Variants in MRPS5 observed in about 807,000 individuals in gnomAD.
MRPS5 encodes small ribosomal subunit protein uS5m.
In MRPS5, 27 loss-of-function variants were observed where a neutral mutation model predicts 51.9. The observed-to-expected ratio is 0.52, with a 90% CI of 0.38 to 0.72. MRPS5 has a LOEUF of 0.72. Among genes scored for constraint, MRPS5 ranks in the 30% least tolerant of loss-of-function variants. The pLI is 0.00. For synonymous variants in MRPS5, 196 were observed against 193.2 expected, an observed-to-expected ratio of 1.01 and a Z score of -0.12; for missense variants, 570 against 545.7, an observed-to-expected ratio of 1.04 and a Z score of -0.44.
At chr2:95,121,499 C>T (rs1676447476) in intron 1 of MRPS5, among the ~76,000 whole-genome samples, 1 of 152,206 alleles carries the variant, frequency 6.6e-6, no homozygotes, top group African/African-American at 2.4e-5. Flanking sequence ...CTGGGAAGAA[C>T]CCTGAAGAAC....
chr2:95,089,598 T>A (rs1034883895), intron 11 of MRPS5, among the ~76,000 whole-genome samples: 1 of 152,098 alleles, frequency 6.6e-6, no homozygotes, highest in African/African-American at 2.4e-5. Flanking sequence ...AGTAACCTGA[T>A]ATGTTAATGT....
chr2:95,100,789 C>T, intron 9 of MRPS5, 48 bp downstream of exon 9: 1 of 1,390,480 alleles, frequency 7.2e-7, no homozygotes, highest in Non-Finnish European at 9.9e-7. Flanking sequence ...CAGACTTTAA[C>T]AAATGTAATC....
In MRPS5 at chr2:95,108,253, C is replaced by A. The variant is rs1676008459; in HGVS notation, c.559G>T (p.Val187Phe). Residue 187 changes from valine to phenylalanine, a missense_variant, in exon 5 of 12, where the codon GTT (valine) becomes TTT (phenylalanine). By Grantham distance (50) the Val-to-Phe change is conservative. Transcript: ENST00000272418. ...CCACTCCATCCTCGCTCCCGTTTAA[C>A]CTTCATCTTCTTCTTTCGGTCCCAC... ...EEWDRKKKMK[V>F]KRERGWSGNS... 5 of 1,613,008 alleles carry A rather than the reference C, an allele frequency of 3.1e-6. No homozygotes were observed. The highest frequency in any genetic ancestry group is 3.3e-5 in the Admixed American group (2 of 59,992).
intron 1 of MRPS5, 34 bp from the exon 2 acceptor site, chr2:95,117,979 T>C (rs1184916434): frequency 2.7e-6 from 4 of 1,499,300 alleles, no homozygotes. Context: ...TTAAGATACA[T>C]TTCTACATTA....
intron 3 of MRPS5, among the ~76,000 whole-genome samples, chr2:95,113,384 G>A (rs1676184622): frequency 6.6e-6 from 1 of 152,080 alleles, no homozygotes; most frequent in African/African-American, 2.4e-5. Context: ...GCTGAGGCAG[G>A]AGAATCGCTT....
At chr2:95,098,197 C>T (rs1280914087) in intron 10 of MRPS5, among the ~76,000 whole-genome samples, 3 of 152,150 alleles carry the variant, frequency 2.0e-5, no homozygotes, top group Non-Finnish European at 4.4e-5. Flanking sequence ...ACAACAGGTG[C>T]TGGAGAGGAT....
At chr2:95,103,181 A>G (rs1675852481) in intron 7 of MRPS5, among the ~76,000 whole-genome samples, 1 of 152,232 alleles carries the variant, frequency 6.6e-6, no homozygotes, top group Non-Finnish European at 1.5e-5. Context: ...TCTGTGTGGA[A>G]AAAAATTAAA....
rs1675282836 is a variant in MRPS5 at position 95,086,191 on chromosome 2, G to A, written c.*1166C>T. ...TGCCTCACCTTCACAAAGTGCTGGG[G>A]TTATAGGCGTGAGCCACCACACCTA... On this transcript the variant is annotated 3_prime_UTR_variant, in exon 12 of 12. Transcript: ENST00000272418. Among the ~76,000 whole-genome samples the A allele has an allele frequency of 6.6e-6, 1 of 152,018 alleles. No homozygotes were observed. Among genetic ancestry groups the A allele is most frequent in the Non-Finnish European group, 1.5e-5 (1 of 68,014 alleles).
intron 10 of MRPS5, among the ~76,000 whole-genome samples, chr2:95,098,578 A>G (rs1484950475): frequency 1.3e-5 from 2 of 152,158 alleles, no homozygotes; most frequent in Admixed American, 6.5e-5. Context: ...CGAGCAAACT[A>G]TCTCAAGGAC....
In MRPS5 at chr2:95,087,491, G is replaced by T; in HGVS notation, c.1159C>A (p.Pro387Thr). The T allele has an allele frequency of 6.2e-7, 1 of 1,614,114 alleles. No individual in the cohort carries two copies. The highest frequency in any genetic ancestry group is 1.3e-5 in the African/African-American group (1 of 75,010). Residue 387 changes from proline to threonine, a missense_variant, in exon 12 of 12, where the codon CCC (proline) becomes ACC (threonine). Pro to Thr is a conservative substitution (Grantham distance 38). Coordinates refer to ENST00000272418, the MANE Select transcript of MRPS5 (RefSeq NM_031902.5). ...GGATCCTTCCTCAAGGGCCCCCGGG[G>T]GGACGCAACCACAATGGGCAGAGGG... is the stretch of plus-strand genomic sequence containing the variant. The part of the protein sequence containing the change: ...CGPLPIVVAS[P>T]RGPLRKDPEP...
intron 7 of MRPS5, chr2:95,101,979 C>A: frequency 2.5e-6 from 1 of 393,912 alleles, no homozygotes; most frequent in Non-Finnish European, 4.6e-6. Flanking sequence ...CACAGCAAGA[C>A]TCTGTCTCTA....
chr2:95,099,056 C>A (rs1212584921), intron 10 of MRPS5, among the ~76,000 whole-genome samples: 1 of 151,078 alleles, frequency 6.6e-6, no homozygotes, highest in Non-Finnish European at 1.5e-5. Flanking sequence ...GTAGCTGGGA[C>A]TACAGGCGCC....
intron 10 of MRPS5, chr2:95,092,390 T>C (rs1344339743): frequency 1.3e-5 from 2 of 152,212 alleles, no homozygotes; most frequent in Admixed American, 6.5e-5. Context: ...TTCACAAAGA[T>C]GCAAAAATAC....
rs1675296185 is a variant in MRPS5, at chr2:95,086,587, C to T, written c.*770G>A. Among the ~76,000 whole-genome samples the T allele has an allele frequency of 6.6e-6, 1 of 151,900 alleles. No homozygotes were observed. The highest frequency in any genetic ancestry group is 1.5e-5 in the Non-Finnish European group (1 of 67,998). ...GATTCAACATTTTGGTCATCAGTGT[C>T]CCAGAAAGAGGATGTGGGTGGGGCA... On this transcript the variant is annotated 3_prime_UTR_variant, in exon 12 of 12. Transcript: ENST00000272418.
At chr2:95,106,095 A>G (rs1675940036) in intron 6 of MRPS5, among the ~76,000 whole-genome samples, 1 of 152,110 alleles carries the variant, frequency 6.6e-6, no homozygotes, top group Non-Finnish European at 1.5e-5. Flanking sequence ...ACTGCTAGAT[A>G]CAGCTGGTTT....
chr2:95,121,100 A>G (rs1488188313), intron 1 of MRPS5, among the ~76,000 whole-genome samples: 2 of 152,238 alleles, frequency 1.3e-5, no homozygotes. Flanking sequence ...CCGGGGCGAC[A>G]GAGTAAGACT....
At chr2:95,110,144 TACCCATGCATC>T (rs1676075571) in intron 3 of MRPS5, 103 bp from the exon 4 acceptor site, 1 of 1,424,540 alleles carries the variant, frequency 7.0e-7, no homozygotes, top group Admixed American at 2.3e-5. Flanking sequence ...CTTACAGCTT[TACCCATGCATC>T]ACTGAGGTAA....
intron 10 of MRPS5, among the ~76,000 whole-genome samples, chr2:95,094,491 C>T (rs1266545142): frequency 3.3e-5 from 5 of 152,280 alleles, no homozygotes; most frequent in South Asian, 2.1e-4. Flanking sequence ...AGAGAAAGGT[C>T]GGGTTATCCA....
chr2:95,121,636 G>C, intron 1 of MRPS5, 98 bp downstream of exon 1: 1 of 1,343,242 alleles, frequency 7.4e-7, no homozygotes, highest in Non-Finnish European at 1.0e-6. Flanking sequence ...GGGGGCCGCG[G>C]CTTCTCGCTT....
Sources: allele counts gnomAD v4.1 joint callset (sites outside exome capture counted in the v4.1 genomes callset), GRCh38; gene constraint gnomAD v4.1.1; transcripts MANE v1.5; gene names NCBI Gene and HGNC (gene_info 2026-07-23, HGNC 2026-07-21).